Variants in CDK8 observed in about 807,000 individuals in gnomAD.
CDK8 encodes cyclin dependent kinase 8.
In CDK8, 29 loss-of-function variants were observed where a neutral mutation model predicts 71.5. That is an observed-to-expected ratio of 0.41 (90% CI 0.30 to 0.55). The LOEUF (loss-of-function observed/expected upper bound fraction) is 0.55, where lower values mean the gene tolerates loss of function less well. Ranked by LOEUF, CDK8 falls within the 20% of genes least tolerant of loss-of-function variation. CDK8 has a pLI of 0.37. For missense variants in CDK8, 288 were observed against 572.6 expected (o/e 0.50, Z 5.07); for synonymous variants, 161 against 192.1 (o/e 0.84, Z 1.34).
chr13:26,392,774 C>A (rs1175817328), intron 6 of CDK8, among the ~76,000 whole-genome samples: 2 of 152,066 alleles, frequency 1.3e-5, no homozygotes, highest in Non-Finnish European at 2.9e-5. Context: ...GCTGTTAATT[C>A]TTAGGCGTTT....
At position 26,353,810 on chromosome 13, in the gene CDK8, A is replaced by G; in HGVS notation, c.386A>G (p.Lys129Arg). The change falls in exon 4 of 13, where the codon AAG becomes AGG. Residue 129 changes from lysine to arginine, a missense_variant. This residue lies in a region of CDK8 where 95 missense variants were observed against 177.3 expected (regional missense o/e 0.54). Coordinates refer to ENST00000381527, the MANE Select transcript of CDK8 (RefSeq NM_001260.3). The part of the protein sequence containing the change: ...KPVQLPRGMV[K>R]SLLYQILDGI... ...GTTCAGTTACCTCGGGGAATGGTGA[A>G]GTCACTATTATATCAGATCCTAGAT... 1 of 1,611,562 alleles carries G rather than the reference A, an allele frequency of 6.2e-7. No individual in the cohort carries two copies. Among genetic ancestry groups the G allele is most frequent in the Non-Finnish European group, 8.5e-7 (1 of 1,177,732 alleles).
Position 26,327,963 on chromosome 13 carries a change from CT to C in CDK8, c.129-9589del, listed in dbSNP as rs35077180. Among the ~76,000 whole-genome samples the C allele has an allele frequency of 1.8e-3, 253 of 143,694 alleles. 1 individual carries two copies. The highest frequency in any genetic ancestry group is 4.6e-3 in the African/African-American group (180 of 39,168). 94.3% of individuals were successfully genotyped at this position (143,694 alleles called of 152,430 possible). A position where few individuals can be genotyped will look rare whatever the true frequency, so the allele number is the denominator to read the frequency against. On this transcript the variant is annotated intron_variant, in intron 1 of 12. Coordinates refer to ENST00000381527, the MANE Select transcript of CDK8 (RefSeq NM_001260.3). ...CCAAGAACATATATTTAAGAGCTGT[CT>C]TTTTTTTTTTTTTTAACTTTTGCTT... is the stretch of plus-strand genomic sequence containing the variant.
intron 1 of CDK8, among the ~76,000 whole-genome samples, chr13:26,312,142 C>T (rs1386579947): frequency 6.6e-6 from 1 of 152,118 alleles, no homozygotes; most frequent in Non-Finnish European, 1.5e-5. Context: ...TGTAAATGCA[C>T]CAATCAGCAC....
chr13:26,352,270 CGGTGG>C (rs1873711945), intron 3 of CDK8, among the ~76,000 whole-genome samples: 1 of 151,996 alleles, frequency 6.6e-6, no homozygotes, highest in African/African-American at 2.4e-5. Flanking sequence ...GGCTGGAGAG[CGGTGG>C]CAGGATCTCC....
At position 26,397,058 on chromosome 13, in the gene CDK8, G is replaced by A. The variant is rs9943877; in HGVS notation, c.861-95G>A. 0.025 allele frequency: 17,892 copies of A among 712,536 alleles called. 2,136 individuals are homozygous for A. The African/African-American group carries it at 0.27, about 11-fold the overall frequency. 44.1% of individuals were successfully genotyped at this position (712,536 alleles called of 1,614,324 possible). ...GTGTTTTCAATATATATTTTATATC[G>A]GTTATGATCAAAATAATTCTCATCA... On this transcript the variant is annotated intron_variant, in intron 8 of 12. Coordinates refer to ENST00000381527, the MANE Select transcript of CDK8 (RefSeq NM_001260.3).
At chr13:26,348,038 ACAT>A (rs780314040) in intron 2 of CDK8, among the ~76,000 whole-genome samples, 1 of 152,110 alleles carries the variant, frequency 6.6e-6, no homozygotes, top group East Asian at 1.9e-4. Context: ...CAATCCATGA[ACAT>A]CAACAGATGA....
intron 4 of CDK8, among the ~76,000 whole-genome samples, chr13:26,376,981 G>C (rs1478844607): frequency 1.3e-5 from 2 of 152,146 alleles, no homozygotes; most frequent in African/African-American, 4.8e-5. Context: ...AAAAATAAGA[G>C]GGAATTATAA....
At chr13:26,347,647 A>G (rs940837243) in intron 2 of CDK8, among the ~76,000 whole-genome samples, 4 of 152,242 alleles carry the variant, frequency 2.6e-5, no homozygotes, top group Admixed American at 1.3e-4. Context: ...CATTTCTCCA[A>G]AGACGATCTA....
At chr13:26,400,798 G>T (rs1202810209) in intron 10 of CDK8, among the ~76,000 whole-genome samples, 1 of 152,098 alleles carries the variant, frequency 6.6e-6, no homozygotes, top group African/African-American at 2.4e-5. Flanking sequence ...CAGCTATTCA[G>T]TGACAGGTTG....
At chr13:26,262,188 C>G (rs1009503018) in intron 1 of CDK8, among the ~76,000 whole-genome samples, 1 of 152,216 alleles carries the variant, frequency 6.6e-6, no homozygotes, top group Non-Finnish European at 1.5e-5. Flanking sequence ...CCACTTTACC[C>G]GTCACCCTGC....
At chr13:26,276,717 G>GT (rs1872575834) in intron 1 of CDK8, among the ~76,000 whole-genome samples, 1 of 152,130 alleles carries the variant, frequency 6.6e-6, no homozygotes, top group African/African-American at 2.4e-5. Context: ...ACCTATGGTT[G>GT]TTTCTGCTGT....
chr13:26,379,580 T>C (rs545561077), intron 4 of CDK8, among the ~76,000 whole-genome samples: 29 of 152,144 alleles, frequency 1.9e-4, no homozygotes, highest in African/African-American at 6.5e-4. Flanking sequence ...AGCTGCTGAA[T>C]GAGTAAGAAA....
intron 1 of CDK8, among the ~76,000 whole-genome samples, chr13:26,323,532 G>C (rs1051614800): frequency 6.6e-6 from 1 of 152,122 alleles, no homozygotes; most frequent in Middle Eastern, 3.4e-3. Flanking sequence ...ATGAAATTTG[G>C]GGGGAGACAG....
chr13:26,329,192 AT>A (rs1367956191), intron 1 of CDK8, among the ~76,000 whole-genome samples: 1 of 151,976 alleles, frequency 6.6e-6, no homozygotes, highest in Non-Finnish European at 1.5e-5. Context: ...GTGTAGTTTG[AT>A]TTGTGTGCTC....
chr13:26,260,353 A>C (rs1246924170), intron 1 of CDK8, among the ~76,000 whole-genome samples: 1 of 152,178 alleles, frequency 6.6e-6, no homozygotes, highest in East Asian at 1.9e-4. Context: ...GTTTTCAATC[A>C]TGAGAACATT....
chr13:26,367,352 G>A (rs1565988010), intron 4 of CDK8, among the ~76,000 whole-genome samples: 1 of 151,812 alleles, frequency 6.6e-6, no homozygotes, highest in African/African-American at 2.4e-5. Context: ...GGTAGGAAGC[G>A]ATAGAAAATC....
At chr13:26,400,986 G>T (rs374499435) in intron 10 of CDK8, among the ~76,000 whole-genome samples, 1 of 152,080 alleles carries the variant, frequency 6.6e-6, no homozygotes, top group African/African-American at 2.4e-5. Context: ...TCTATATTTG[G>T]TCTGTATTAA....
chr13:26,371,869 C>T (rs1565990090), intron 4 of CDK8, among the ~76,000 whole-genome samples: 1 of 152,154 alleles, frequency 6.6e-6, no homozygotes, highest in East Asian at 1.9e-4. Context: ...CCGCCCGCCT[C>T]AGCCTCCCAA....
chr13:26,266,613 TAAATA>T (rs1203113282), intron 1 of CDK8, among the ~76,000 whole-genome samples: 1 of 152,172 alleles, frequency 6.6e-6, no homozygotes, highest in Non-Finnish European at 1.5e-5. Flanking sequence ...GTGTCTGGGT[TAAATA>T]AAATAAACGA....
Sources: gnomAD v4.1 joint callset for allele counts (sites outside exome capture counted in the v4.1 genomes callset) on GRCh38, gnomAD v4.1.1 for gene constraint, gnomAD v4.1.1 regional missense constraint, MANE v1.5 for transcripts, NCBI Gene and HGNC (gene_info 2026-07-23, HGNC 2026-07-21) for gene names.